ADAMTSL1: variants seen among roughly 807,000 people sequenced by gnomAD.
The protein encoded by ADAMTSL1 is ADAMTS like 1, also known as ADAMTS-like protein 1.
ADAMTSL1 carries 126 observed loss-of-function variants against 201.8 expected under a neutral mutation model. The ratio of observed to expected loss-of-function variants is 0.62; its 90% CI spans 0.54 to 0.72. The LOEUF is 0.72. ADAMTSL1 is among the 30% of genes least tolerant of loss of function. The pLI is 0.00. For synonymous variants in ADAMTSL1, 1,121 were observed against 903.4 expected, an observed-to-expected ratio of 1.24 and a Z score of -4.32; for missense variants, 2,679 against 2,277.8, an observed-to-expected ratio of 1.18 and a Z score of -3.59.
chr9:18,309,685 G>T (rs1044802641), intron 2 of ADAMTSL1, among the ~76,000 whole-genome samples: 1 of 151,742 alleles, frequency 6.6e-6, no homozygotes, highest in African/African-American at 2.4e-5. Context: ...AATAAGAGAG[G>T]ACACAAACAA....
chr9:17,993,021 A>G (rs1819223858), intron 1 of ADAMTSL1, among the ~76,000 whole-genome samples: 1 of 152,224 alleles, frequency 6.6e-6, no homozygotes. Context: ...GTGAATAGCC[A>G]ATTTATGGGT....
At chr9:18,856,809 A>G (rs746201993) in intron 23 of ADAMTSL1, among the ~76,000 whole-genome samples, 1 of 152,146 alleles carries the variant, frequency 6.6e-6, no homozygotes, top group Admixed American at 6.5e-5. Flanking sequence ...AAATAAAACA[A>G]ACTTACTGCG....
chr9:18,674,190 A>C (rs1829997525), intron 9 of ADAMTSL1, among the ~76,000 whole-genome samples: 1 of 126,026 alleles, frequency 7.9e-6, no homozygotes, highest in South Asian at 2.7e-4. Flanking sequence ...AGGTTAATAC[A>C]CACACAGGCA....
At chr9:18,382,246 C>T (rs193108936) in intron 2 of ADAMTSL1, among the ~76,000 whole-genome samples, 123 of 152,236 alleles carry the variant, frequency 8.1e-4, no homozygotes, top group Middle Eastern at 6.8e-3. Context: ...GTTCAGAGAT[C>T]TGTTAAGTCT....
At chr9:18,409,957 G>A (rs1031841875) in intron 2 of ADAMTSL1, among the ~76,000 whole-genome samples, 21 of 151,158 alleles carry the variant, frequency 1.4e-4, no homozygotes, top group South Asian at 4.2e-4. Flanking sequence ...TAGGATATAC[G>A]TTATAATACA....
chr9:18,245,797 A>G (rs547132732), intron 2 of ADAMTSL1, among the ~76,000 whole-genome samples: 1 of 152,184 alleles, frequency 6.6e-6, no homozygotes, highest in South Asian at 2.1e-4. Flanking sequence ...GTAGCAACAC[A>G]ATTTACCACT....
intron 28 of ADAMTSL1, chr9:18,907,890 G>T (rs1185820842): frequency 1.2e-5 from 2 of 171,818 alleles, no homozygotes; most frequent in African/African-American, 4.8e-5. Context: ...AGGCATGATG[G>T]GTAGAAGGAA....
intron 16 of ADAMTSL1, among the ~76,000 whole-genome samples, chr9:18,754,699 C>G (rs775459147): frequency 6.6e-6 from 1 of 152,170 alleles, no homozygotes; most frequent in Non-Finnish European, 1.5e-5. Context: ...CATCTTGGAG[C>G]TGTGGTTTAG....
intron 4 of ADAMTSL1, among the ~76,000 whole-genome samples, chr9:18,600,681 A>G (rs1353344779): frequency 6.6e-6 from 1 of 151,670 alleles, no homozygotes; most frequent in African/African-American, 2.4e-5. Context: ...GCATACAGCC[A>G]TTCTCCTGAG....
intron 4 of ADAMTSL1, among the ~76,000 whole-genome samples, chr9:18,618,446 G>C (rs979781274): frequency 2.6e-5 from 4 of 151,802 alleles, no homozygotes; most frequent in Admixed American, 2.6e-4. Context: ...ACAGGTTCTC[G>C]GGTAGCCCAG....
intron 1 of ADAMTSL1, among the ~76,000 whole-genome samples, chr9:17,967,158 C>A (rs1818007527): frequency 6.6e-6 from 1 of 151,986 alleles, no homozygotes; most frequent in Non-Finnish European, 1.5e-5. Context: ...TAGGGCATGT[C>A]CGGATGTAGG....
At position 18,886,187 on chromosome 9, in the gene ADAMTSL1, TATATATATATATATATATATATATAC is replaced by T. The variant is rs1241561272; in HGVS notation, c.4250-1642_4250-1617del. On this transcript the variant is annotated intron_variant, in intron 23 of 28. Coordinates refer to ENST00000380548, the MANE Select transcript of ADAMTSL1 (RefSeq NM_001040272.6). ...ATGTGTATATATATATATATATATA[TATATATATATATATATATATATATAC>T]ACACACATACATATACATACATACA... Among the ~76,000 whole-genome samples, 32 of 127,016 alleles carry T rather than the reference TATATATATATATATATATATATATAC, an allele frequency of 2.5e-4. 1 individual carries two copies. Among genetic ancestry groups the T allele is most frequent in the African/African-American group, 9.6e-4 (32 of 33,456 alleles). 83.3% of individuals were successfully genotyped at this position (127,016 alleles called of 152,430 possible).
At chr9:17,921,446 A>G (rs1826296250) in intron 1 of ADAMTSL1, among the ~76,000 whole-genome samples, 1 of 152,024 alleles carries the variant, frequency 6.6e-6, no homozygotes, top group South Asian at 2.1e-4. Context: ...GTCCTTTCCA[A>G]TTCTTTTGTC....
intron 9 of ADAMTSL1, among the ~76,000 whole-genome samples, chr9:18,668,779 A>G (rs537247920): frequency 9.8e-5 from 15 of 152,306 alleles, no homozygotes; most frequent in African/African-American, 3.6e-4. Context: ...AACTTGCCCA[A>G]TGTCACTTCT....
intron 2 of ADAMTSL1, among the ~76,000 whole-genome samples, chr9:18,216,740 C>G (rs1194219318): frequency 6.6e-6 from 1 of 151,290 alleles, no homozygotes; most frequent in Non-Finnish European, 1.5e-5. Flanking sequence ...CTCCCTTCTA[C>G]CCTGTCCTCT....
At chr9:18,754,690 A>G (rs1269973696) in intron 16 of ADAMTSL1, among the ~76,000 whole-genome samples, 2 of 152,202 alleles carry the variant, frequency 1.3e-5, no homozygotes, top group Non-Finnish European at 2.9e-5. Context: ...CTCCTTGCCC[A>G]TCTTGGAGCT....
At chr9:18,465,829 A>G (rs529913276) in intron 2 of ADAMTSL1, among the ~76,000 whole-genome samples, 2 of 148,974 alleles carry the variant, frequency 1.3e-5, no homozygotes, top group Admixed American at 1.3e-4. Flanking sequence ...GCTCACTGCA[A>G]CCTCCGCCTC....
chr9:18,331,645 A>T (rs1835032663), intron 2 of ADAMTSL1, among the ~76,000 whole-genome samples: 1 of 147,098 alleles, frequency 6.8e-6, no homozygotes, highest in South Asian at 2.1e-4. Flanking sequence ...AATTCTAGGA[A>T]AAACAAAAAC....
chr9:18,707,955 A>C (rs1276786675), intron 14 of ADAMTSL1, among the ~76,000 whole-genome samples: 2 of 152,246 alleles, frequency 1.3e-5, no homozygotes, highest in Non-Finnish European at 2.9e-5. Flanking sequence ...CGGTAGATTC[A>C]TATTGACACC....
Sources: allele counts gnomAD v4.1 joint callset (sites outside exome capture counted in the v4.1 genomes callset), GRCh38; gene constraint gnomAD v4.1.1; transcripts MANE v1.5; gene names NCBI Gene and HGNC (gene_info 2026-07-23, HGNC 2026-07-21).